SETD2: variants seen among roughly 807,000 people sequenced by gnomAD.
The protein encoded by SETD2 is histone-lysine N-methyltransferase SETD2.
A neutral mutation model predicts 242.1 loss-of-function variants in SETD2; 31 were observed. The observed-to-expected ratio is 0.13, with a 90% CI of 0.10 to 0.17. The LOEUF is 0.17. Ranked by LOEUF, SETD2 falls within the 10% of genes least tolerant of loss-of-function variation. The pLI is 1.00. For synonymous variants in SETD2, 1,006 were observed against 1,066.5 expected (o/e 0.94, Z 1.11); for missense variants, 2,481 against 3,046.3 (o/e 0.81, Z 4.37).
intron 14 of SETD2, among the ~76,000 whole-genome samples, chr3:47,058,470 A>G (rs1165880440): frequency 1.3e-4 from 19 of 149,352 alleles, no homozygotes; most frequent in Admixed American, 2.7e-4. Flanking sequence ...AAAAACACAA[A>G]GAGGGAGAAT....
At chr3:47,055,569 C>T (rs2040019292) in intron 15 of SETD2, among the ~76,000 whole-genome samples, 1 of 151,914 alleles carries the variant, frequency 6.6e-6, no homozygotes, top group African/African-American at 2.4e-5. Flanking sequence ...TACAGTGATG[C>T]ACACCTGTAG....
chr3:47,107,938 T>A (rs1289009080), intron 5 of SETD2, among the ~76,000 whole-genome samples: 3 of 151,882 alleles, frequency 2.0e-5, no homozygotes, highest in African/African-American at 7.3e-5. Flanking sequence ...TACAATCACA[T>A]TACTGCACTC....
intron 18 of SETD2, among the ~76,000 whole-genome samples, chr3:47,030,821 T>A (rs1274778374): frequency 6.6e-6 from 1 of 152,246 alleles, no homozygotes; most frequent in Non-Finnish European, 1.5e-5. Flanking sequence ...TTAGTAGCTT[T>A]ATTTATAATT....
chr3:47,114,554 T>C (rs920949760), intron 4 of SETD2, among the ~76,000 whole-genome samples: 1 of 152,064 alleles, frequency 6.6e-6, no homozygotes, highest in Non-Finnish European at 1.5e-5. Context: ...TAATATGTGA[T>C]AGATATAAAG....
Position 47,056,997 on chromosome 3 carries a change from C to T in SETD2, c.6787G>A (p.Gly2263Ser), listed in dbSNP as rs1454824814. 29 of 1,614,188 alleles carry T rather than the reference C, an allele frequency of 1.8e-5. No individual in the cohort carries two copies. Among genetic ancestry groups the T allele is most frequent in the Middle Eastern group, 1.6e-4 (1 of 6,062 alleles). Reference protein sequence around the residue: ...SVAVLPVPAPGPVQGQNYSVW... With the variant: ...SVAVLPVPAPSPVQGQNYSVW... ...CTATAATTCTGTCCCTGAACTGGGC[C>T]GGGGGCCGGCACTGGCAAGACAGCA... Residue 2263 changes from glycine (G) to serine (S), a missense_variant, in exon 15 of 21, where the codon GGC (glycine) becomes AGC (serine). This residue lies in a region of SETD2 where 235 missense variants were observed against 293.9 expected (regional missense o/e 0.80). Coordinates refer to ENST00000409792, the MANE Select transcript of SETD2 (RefSeq NM_014159.7).
rs774952312 is a variant in SETD2 at position 47,121,354 on chromosome 3, A to G, written c.3282T>C (p.Tyr1094=). The G allele has an allele frequency of 9.3e-6, 15 of 1,610,010 alleles. No homozygotes were observed. The highest frequency in any genetic ancestry group is 1.6e-4 in the Middle Eastern group (1 of 6,084). The change falls in exon 3 of 21, where the codon TAT becomes TAC. Residue 1094 remains tyrosine, a synonymous_variant. Coordinates refer to ENST00000409792, the MANE Select transcript of SETD2 (RefSeq NM_014159.7). The part of the protein sequence containing the change: ...SPCSSRSSQS[Y]RHYSDHWEDE... Reference sequence around the variant, plus strand: ...CTTCCCAATGGTCAGAATAGTGTCTATAACTTTGACTGCTCCGAGAAGAAC... The same window carrying G: ...CTTCCCAATGGTCAGAATAGTGTCTGTAACTTTGACTGCTCCGAGAAGAAC...
chr3:47,128,696 G>A (rs962083799), intron 1 of SETD2, among the ~76,000 whole-genome samples: 1 of 152,142 alleles, frequency 6.6e-6, no homozygotes, highest in Non-Finnish European at 1.5e-5. Flanking sequence ...TAAATGTGAT[G>A]TTAGCACTAC....
Position 47,124,098 on chromosome 3 carries a change from A to C in SETD2, c.538T>G (p.Ser180Ala), listed in dbSNP as rs1318754770. The C allele has an allele frequency of 3.9e-6, 6 of 1,551,818 alleles. No individual in the cohort carries two copies. The highest frequency in any genetic ancestry group is 5.2e-6 in the Non-Finnish European group (6 of 1,147,054). The change falls in exon 3 of 21, where the codon TCA (serine) becomes GCA (alanine). Residue 180 changes from serine (S) to alanine (A), a missense_variant. Around this residue, in one of 17 missense-constraint regions of SETD2, gnomAD observed 334 missense variants for 374.5 expected, o/e 0.89. Coordinates refer to ENST00000409792, the MANE Select transcript of SETD2 (RefSeq NM_014159.7). ...GAGGGCGGTGAGTCTACAGTTGTTG[A>C]TTCTGCTATCACTGCTGGTAATGGT... ...AAPLPAVIAE[S>A]TTVDSPPSSP...
chr3:47,116,529 A>G (rs2107727127), intron 4 of SETD2, 94 bp downstream of exon 4: 1 of 1,311,088 alleles, frequency 7.6e-7, no homozygotes, highest in South Asian at 1.4e-5. Flanking sequence ...CATAGGTAGG[A>G]GAAAGGTTAA....
intron 1 of SETD2, chr3:47,138,323 A>G (rs1381939889): frequency 4.5e-4 from 106 of 238,168 alleles, no homozygotes; most frequent in East Asian, 1.8e-3. Context: ...AGGCTGGAGT[A>G]CAGTGGCGCG....
In SETD2 at chr3:47,017,629, G is replaced by A. The variant is rs768619140; in HGVS notation, c.7533+9C>T. ...TTGCCTGGTGGGCTACCAAAAGCAA[G>A]GGGAGTACCTTGCGAGCCAGATGTT... On this transcript the variant is annotated intron_variant, in intron 20 of 20. Transcript: ENST00000409792. The surrounding 1 kb of genome is among the most constrained non-coding windows in gnomAD (Gnocchi z 4.8). The A allele has an allele frequency of 6.2e-7, 1 of 1,600,250 alleles. No homozygotes were observed. Among genetic ancestry groups the A allele is most frequent in the Non-Finnish European group, 8.6e-7 (1 of 1,167,266 alleles).
intron 13 of SETD2, chr3:47,064,529 C>T: frequency 3.8e-6 from 1 of 262,660 alleles, no homozygotes; most frequent in Admixed American, 5.0e-5. Context: ...TCACTATACC[C>T]TGATAAAACA....
chr3:47,083,064 T>C (rs1046202628), intron 12 of SETD2, among the ~76,000 whole-genome samples: 1 of 152,232 alleles, frequency 6.6e-6, no homozygotes, highest in Non-Finnish European at 1.5e-5. Context: ...CTGTTATTCA[T>C]TCTTGTGTTT....
At chr3:47,080,752 GAGTCAAGGC>G in intron 12 of SETD2, 1 of 961,750 alleles carries the variant, frequency 1.0e-6, no homozygotes, top group Non-Finnish European at 1.2e-6. Context: ...AAGCCTTGTG[GAGTCAAGGC>G]AGTGGTCCTG....
At chr3:47,028,881 C>T (rs1439518421) in intron 18 of SETD2, 1 of 155,208 alleles carries the variant, frequency 6.4e-6, no homozygotes, top group African/African-American at 2.4e-5. Flanking sequence ...TGAGCATGCC[C>T]TACCTGACCA....
At chr3:47,112,479 A>G (rs1486702476) in intron 5 of SETD2, among the ~76,000 whole-genome samples, 1 of 151,982 alleles carries the variant, frequency 6.6e-6, no homozygotes, top group East Asian at 1.9e-4. Flanking sequence ...ACAGGGTTTC[A>G]CCACATTGGC....
At chr3:47,137,860 T>TG (rs2106781604) in intron 1 of SETD2, among the ~76,000 whole-genome samples, 1 of 150,824 alleles carries the variant, frequency 6.6e-6, no homozygotes, top group East Asian at 2.0e-4. Context: ...CTAATTTTAT[T>TG]TTTTTTTTAG....
At chr3:47,128,941 T>C (rs2043413875) in intron 1 of SETD2, among the ~76,000 whole-genome samples, 1 of 152,210 alleles carries the variant, frequency 6.6e-6, no homozygotes, top group Admixed American at 6.5e-5. Context: ...CTTATCTGCA[T>C]AGTACGCACA....
At chr3:47,037,506 A>G (rs1325852301) in intron 18 of SETD2, among the ~76,000 whole-genome samples, 160 bp downstream of exon 18, 1 of 151,924 alleles carries the variant, frequency 6.6e-6, no homozygotes, top group Non-Finnish European at 1.5e-5. Context: ...GTATATGTAA[A>G]AAGGCCATTC....
Sources: allele counts gnomAD v4.1 joint callset (sites outside exome capture counted in the v4.1 genomes callset), GRCh38; gene constraint gnomAD v4.1.1; regional missense constraint gnomAD v4.1.1; non-coding constraint Gnocchi (gnomAD v3.1); transcripts MANE v1.5; gene names NCBI Gene and HGNC (gene_info 2026-07-23, HGNC 2026-07-21).